Variants in GTPBP1 observed in about 807,000 individuals in gnomAD.
GTPBP1 encodes the protein GTP-binding protein 1.
In GTPBP1, 23 loss-of-function variants were observed where a neutral mutation model predicts 62.0. The observed-to-expected ratio is 0.37, with a 90% confidence interval of 0.27 to 0.53. GTPBP1 has a LOEUF of 0.53. Among genes scored for constraint, GTPBP1 ranks in the 20% least tolerant of loss-of-function variants. GTPBP1 has a pLI of 0.89. For missense variants in GTPBP1, 640 were observed against 917.3 expected, an observed-to-expected ratio of 0.70 and a Z score of 3.90; for synonymous variants, 344 against 364.4, an observed-to-expected ratio of 0.94 and a Z score of 0.64.
chr22:38,726,043 G>A lies in GTPBP1; in HGVS notation c.1111G>A (p.Glu371Lys), dbSNP rs753463822. 41 of 1,613,834 alleles carry A rather than the reference G, an allele frequency of 2.5e-5. No homozygotes were observed. The highest frequency in any genetic ancestry group is 1.6e-4 in the Middle Eastern group (1 of 6,084). ...ATTCCAGATCTCCAACGTTACAGGC[G>A]AGAACCTAGATCTGCTGAAGATGTT... ...PIFQISNVTGENLDLLKMFLN... is the reference protein window; with the variant it reads ...PIFQISNVTGKNLDLLKMFLN... Residue 371 changes from glutamate (E) to lysine (K), a missense_variant, in exon 7 of 12, where the codon GAG becomes AAG. This residue lies in a region of GTPBP1 where 220 missense variants were observed against 358.1 expected (regional missense o/e 0.61). Transcript: ENST00000216044. The surrounding 1 kb of genome is among the most constrained non-coding windows in gnomAD (Gnocchi z 4.1).
chr22:38,715,514 A>G (rs2092664645), intron 2 of GTPBP1, among the ~76,000 whole-genome samples: 1 of 152,102 alleles, frequency 6.6e-6, no homozygotes, highest in Admixed American at 6.5e-5. Context: ...GCAGTGCTTT[A>G]TGTTCTCTTC....
At chr22:38,713,418 C>T (rs759498861) in intron 2 of GTPBP1, among the ~76,000 whole-genome samples, 32 of 152,158 alleles carry the variant, frequency 2.1e-4, no homozygotes, top group Non-Finnish European at 3.4e-4. Context: ...TTTGTAAAGA[C>T]AAAAGTTAAG....
At chr22:38,734,462 G>A (rs973611780), downstream of GTPBP1, 8 of 342,310 alleles carry the variant, frequency 2.3e-5, no homozygotes, top group South Asian at 1.3e-4. Context: ...CACTGCTCCC[G>A]CCCCACCCTT....
In GTPBP1 at chr22:38,728,080, C is replaced by T; in HGVS notation, c.1635C>T (p.Ile545=). The part of the protein sequence containing the change: ...GDKATVHFRF[I]KTPEYLHIDQ... ...AGGCCACTGTACACTTCCGCTTCAT[C>T]AAGACCCCTGAGTACCTGCACATAG... The change falls in exon 10 of 12, where the codon ATC becomes ATT. Residue 545 remains isoleucine, a synonymous_variant. Transcript: ENST00000216044. The T allele has an allele frequency of 6.2e-7, 1 of 1,613,204 alleles. No individual in the cohort carries two copies. Among genetic ancestry groups the T allele is most frequent in the Non-Finnish European group, 8.5e-7 (1 of 1,179,174 alleles).
In GTPBP1 at chr22:38,724,289, C is replaced by T; in HGVS notation, c.959-8C>T. On this transcript the variant is annotated splice_region_variant and splice_polypyrimidine_tract_variant and intron_variant, in intron 5 of 11. Transcript: ENST00000216044. ...TCCCCCTAATTCTGTTCCATTGCACCCTTTAAGAAACCCTGAAGCTGTTAC... is the reference window on the plus strand; with the variant it reads ...TCCCCCTAATTCTGTTCCATTGCACTCTTTAAGAAACCCTGAAGCTGTTAC... The T allele has an allele frequency of 6.4e-7, 1 of 1,569,324 alleles. No individual in the cohort carries two copies. Among genetic ancestry groups the T allele is most frequent in the Non-Finnish European group, 8.8e-7 (1 of 1,139,192 alleles).
downstream of GTPBP1, chr22:38,738,454 A>G: frequency 7.7e-7 from 1 of 1,295,598 alleles, no homozygotes; most frequent in Non-Finnish European, 1.1e-6. The surrounding 1 kb of genome is among the most constrained non-coding windows in gnomAD (Gnocchi z 6.6). Context: ...GCTGTCTCCC[A>G]CCCTAGCTCC....
At chr22:38,738,979 A>G, downstream of GTPBP1, 2 of 1,610,800 alleles carry the variant, frequency 1.2e-6, no homozygotes, top group Non-Finnish European at 1.7e-6. The surrounding 1 kb of genome is among the most constrained non-coding windows in gnomAD (Gnocchi z 6.6). Flanking sequence ...GGTGCTGATG[A>G]CGCTGGCCCC....
At chr22:38,742,346 A>G (rs762795807), downstream of GTPBP1, 5 of 1,609,750 alleles carry the variant, frequency 3.1e-6, no homozygotes, top group Middle Eastern at 8.3e-4. Flanking sequence ...CCTTCAGGGC[A>G]GCTTCACGGC....
At chr22:38,742,505 T>G (rs1260225165), downstream of GTPBP1, 1 of 1,613,278 alleles carries the variant, frequency 6.2e-7, no homozygotes, top group Admixed American at 1.7e-5. Context: ...CAGCAAGAGC[T>G]TCCAGACGCC....
In GTPBP1 at chr22:38,726,075, C is replaced by T. The variant is rs2092725255; in HGVS notation, c.1143C>T (p.Asn381=). 1 of 1,613,994 alleles carries T rather than the reference C, an allele frequency of 6.2e-7. No homozygotes were observed. Among genetic ancestry groups the T allele is most frequent in the Non-Finnish European group, 8.5e-7 (1 of 1,179,896 alleles). ...TAGATCTGCTGAAGATGTTCCTCAACCTCCTCTCCCCCCGCACCAGCTACA... is the reference window on the plus strand; with the variant it reads ...TAGATCTGCTGAAGATGTTCCTCAATCTCCTCTCCCCCCGCACCAGCTACA... ...ENLDLLKMFL[N]LLSPRTSYRE... is the part of the protein sequence containing the mutation. Residue 381 remains asparagine (N), a synonymous_variant, in exon 7 of 12, where the codon AAC becomes AAT. Coordinates refer to ENST00000216044, the MANE Select transcript of GTPBP1 (RefSeq NM_004286.5). The surrounding 1 kb of genome is among the most constrained non-coding windows in gnomAD (Gnocchi z 4.1).
intron 10 of GTPBP1, 60 bp downstream of exon 10, chr22:38,728,221 T>C: frequency 8.3e-7 from 1 of 1,200,238 alleles, no homozygotes; most frequent in Non-Finnish European, 1.2e-6. Flanking sequence ...TCCTGTTCTG[T>C]GACCCTGAGT....
intron 2 of GTPBP1, 131 bp downstream of exon 2, chr22:38,709,087 A>C (rs985621953): frequency 3.4e-5 from 19 of 565,082 alleles, no homozygotes; most frequent in African/African-American, 3.2e-4. Flanking sequence ...GTTCGAGACC[A>C]GCCTGGCCAA....
In GTPBP1 at chr22:38,719,885, A is replaced by C. The variant is rs551904303; in HGVS notation, c.835-1857A>C. On this transcript the variant is annotated intron_variant, in intron 4 of 11. Transcript: ENST00000216044. ...TTCAGCTGCTTTTTTTAAGCCATGAATCAGTCACCAGTTATCCCCCACTGC... is the reference window on the plus strand; with the variant it reads ...TTCAGCTGCTTTTTTTAAGCCATGACTCAGTCACCAGTTATCCCCCACTGC... Among the ~76,000 whole-genome samples the C allele has an allele frequency of 9.9e-5, 15 of 151,408 alleles. No individual in the cohort carries two copies. The South Asian group carries it at 3.1e-3, about 32-fold the overall frequency.
At chr22:38,737,707 A>C, downstream of GTPBP1, 1 of 358,434 alleles carries the variant, frequency 2.8e-6, no homozygotes, top group Admixed American at 3.7e-5. This position sits in a 1 kb window ranked among gnomAD's most constrained non-coding sequence, Gnocchi z 4.1. Flanking sequence ...GGGTCCTGTC[A>C]GCCCTAAGGA....
At chr22:38,718,149 G>T (rs989858953) in intron 4 of GTPBP1, among the ~76,000 whole-genome samples, 1 of 152,138 alleles carries the variant, frequency 6.6e-6, no homozygotes, top group Non-Finnish European at 1.5e-5. Flanking sequence ...CTTCAATGTT[G>T]CAAAGGGCCA....
rs966215608 is a variant in GTPBP1 at position 38,733,365 on chromosome 22, C to T, written c.*2661C>T. 2 of 152,302 alleles carry T rather than the reference C, an allele frequency of 1.3e-5. No individual in the cohort carries two copies. Among genetic ancestry groups the T allele is most frequent in the Non-Finnish European group, 2.9e-5 (2 of 68,072 alleles). 9.4% of individuals were successfully genotyped at this position (152,302 alleles called of 1,614,324 possible). On this transcript the variant is annotated 3_prime_UTR_variant, in exon 12 of 12. Coordinates refer to ENST00000216044, the MANE Select transcript of GTPBP1 (RefSeq NM_004286.5). ...GAACCATTCTTGGGATTCAGGAGCTCGGGCGACTGCCTTGGCCTCTGGCCG... is the reference window on the plus strand; with the variant it reads ...GAACCATTCTTGGGATTCAGGAGCTTGGGCGACTGCCTTGGCCTCTGGCCG...
downstream of GTPBP1, among the ~76,000 whole-genome samples, chr22:38,737,603 G>A (rs553909207): frequency 1.3e-5 from 2 of 151,974 alleles, no homozygotes; most frequent in South Asian, 4.2e-4. This position sits in a 1 kb window ranked among gnomAD's most constrained non-coding sequence, Gnocchi z 4.1. Flanking sequence ...ACTGTCCCTC[G>A]TCCACCTCCC....
In GTPBP1 at chr22:38,721,827, T is replaced by C. The variant is rs1354389145; in HGVS notation, c.920T>C (p.Val307Ala). The C allele has an allele frequency of 6.2e-7, 1 of 1,609,968 alleles. No individual in the cohort carries two copies. The highest frequency in any genetic ancestry group is 8.5e-7 in the Non-Finnish European group (1 of 1,176,836). ...LALNVPVFVVVTKIDMCPANI... is the reference protein window; with the variant it reads ...LALNVPVFVVATKIDMCPANI... ...CTCAATGTACCTGTCTTTGTGGTAG[T>C]CACCAAGATTGACATGTGTCCTGCC... Residue 307 changes from valine (V) to alanine (A), a missense_variant, in exon 5 of 12, where the codon GTC becomes GCC. Coordinates refer to ENST00000216044, the MANE Select transcript of GTPBP1 (RefSeq NM_004286.5).
At chr22:38,738,998 G>A (rs1247284024), downstream of GTPBP1, 1 of 1,603,524 alleles carries the variant, frequency 6.2e-7, no homozygotes, top group Non-Finnish European at 8.5e-7. The surrounding 1 kb of genome is among the most constrained non-coding windows in gnomAD (Gnocchi z 6.6). Flanking sequence ...CCTGAGACAG[G>A]AGAGGAAGGC....
Sources: allele counts gnomAD v4.1 joint callset (sites outside exome capture counted in the v4.1 genomes callset), GRCh38; gene constraint gnomAD v4.1.1; regional missense constraint gnomAD v4.1.1; non-coding constraint Gnocchi (gnomAD v3.1); transcripts MANE v1.5; gene names NCBI Gene and HGNC (gene_info 2026-07-23, HGNC 2026-07-21).